Variants in TSPAN18 observed in about 807,000 individuals in gnomAD.
The protein encoded by TSPAN18 is tetraspanin 18.
A neutral mutation model predicts 27.3 loss-of-function variants in TSPAN18; 14 were observed. That is an observed-to-expected ratio of 0.51 (90% confidence interval 0.34 to 0.80). TSPAN18 has a LOEUF of 0.80. Ranked by LOEUF, TSPAN18 falls within the 30% of genes least tolerant of loss-of-function variation. The pLI is 0.01. For synonymous variants in TSPAN18, 143 were observed against 136.5 expected (o/e 1.05, Z -0.33); for missense variants, 268 against 323.9 (o/e 0.83, Z 1.32).
intron 5 of TSPAN18, among the ~76,000 whole-genome samples, chr11:44,911,887 TG>T (rs1435279228): frequency 2.6e-5 from 4 of 151,882 alleles, no homozygotes; most frequent in Non-Finnish European, 5.9e-5. Flanking sequence ...GCTGCCAGGC[TG>T]GGGGCCCTTC....
intron 2 of TSPAN18, among the ~76,000 whole-genome samples, chr11:44,767,660 T>G (rs1192736907): frequency 6.6e-6 from 1 of 152,246 alleles, no homozygotes; most frequent in Non-Finnish European, 1.5e-5. Flanking sequence ...AAGCTTTTGG[T>G]ATTCTAAGAA....
At chr11:44,858,313 C>A (rs1857789329) in intron 2 of TSPAN18, among the ~76,000 whole-genome samples, 1 of 152,202 alleles carries the variant, frequency 6.6e-6, no homozygotes, top group Non-Finnish European at 1.5e-5. Flanking sequence ...CCATATCTGC[C>A]CCCTCCTCCG....
At chr11:44,856,255 A>G (rs1857734807) in intron 2 of TSPAN18, among the ~76,000 whole-genome samples, 1 of 152,112 alleles carries the variant, frequency 6.6e-6, no homozygotes, top group South Asian at 2.1e-4. Context: ...TTGCCTGTGG[A>G]TAAATTTCAT....
At position 44,930,630 on chromosome 11, in the gene TSPAN18, A is replaced by T; in HGVS notation, c.*1452A>T. The T allele has an allele frequency of 2.9e-6, 1 of 339,890 alleles. No individual in the cohort carries two copies. Among genetic ancestry groups the T allele is most frequent in the East Asian group, 8.0e-5 (1 of 12,510 alleles). The allele number at this position is 339,890 out of a possible 1,614,324, so 21.1% of individuals were successfully genotyped here. On this transcript the variant is annotated 3_prime_UTR_variant, in exon 10 of 10. Transcript: ENST00000520358. ...GTATTCAGTTCTCAAACTCTAGACG[A>T]GTGTTGGCAACTGGATTGCAAGATG...
intron 3 of TSPAN18, among the ~76,000 whole-genome samples, chr11:44,866,002 G>A (rs1355098819): frequency 6.6e-6 from 1 of 152,234 alleles, no homozygotes; most frequent in East Asian, 1.9e-4. Flanking sequence ...GCCACCTGCT[G>A]GGGGCCCCTC....
At chr11:44,749,860 T>C (rs1855170585) in intron 1 of TSPAN18, among the ~76,000 whole-genome samples, 1 of 152,106 alleles carries the variant, frequency 6.6e-6, no homozygotes, top group Admixed American at 6.5e-5. Flanking sequence ...GTGGCCTCCA[T>C]CTCCTGACCT....
At chr11:44,742,582 C>G (rs558248764) in intron 1 of TSPAN18, among the ~76,000 whole-genome samples, 11 of 152,240 alleles carry the variant, frequency 7.2e-5, no homozygotes, top group African/African-American at 2.6e-4. Flanking sequence ...CTCCCAGGTC[C>G]CTGACTCAGA....
At chr11:44,795,385 A>T (rs1856325638) in intron 2 of TSPAN18, among the ~76,000 whole-genome samples, 1 of 152,118 alleles carries the variant, frequency 6.6e-6, no homozygotes, top group Non-Finnish European at 1.5e-5. Context: ...CCAAGGTCCC[A>T]CTGCCTGCCC....
At position 44,908,773 on chromosome 11, in the gene TSPAN18, A is replaced by AAGG. The variant is rs1859568890; in HGVS notation, c.64-930_64-929insGAG. Among the ~76,000 whole-genome samples the AAGG allele has an allele frequency of 1.6e-4, 16 of 99,484 alleles. 1 individual carries two copies. Among genetic ancestry groups the AAGG allele is most frequent in the African/African-American group, 7.0e-4 (16 of 22,700 alleles). 65.3% of individuals were successfully genotyped at this position (99,484 alleles called of 152,430 possible). On this transcript the variant is annotated intron_variant, in intron 4 of 9. Coordinates refer to ENST00000520358, the MANE Select transcript of TSPAN18 (RefSeq NM_130783.5). ...GAGAGAGAGAGAGAGAGAAAGGAGA[A>AAGG]AGAAAGAAAGAAAGAAAGAAAGAAA...
At position 44,901,819 on chromosome 11, in the gene TSPAN18, G is replaced by A. The variant is rs74428021; in HGVS notation, c.-10-4588G>A. Among the ~76,000 whole-genome samples, 616 of 152,284 alleles carry A rather than the reference G, an allele frequency of 4.0e-3. 3 individuals carry two copies. The highest frequency in any genetic ancestry group is 0.014 in the East Asian group (72 of 5,182). Reference sequence around the variant, plus strand: ...AGCCCAGTCTGTGCATACAAGCTGTGTGATACTGGCCAGGTTACTTGACCC... The same window carrying A: ...AGCCCAGTCTGTGCATACAAGCTGTATGATACTGGCCAGGTTACTTGACCC... On this transcript the variant is annotated intron_variant, in intron 3 of 9. Transcript: ENST00000520358.
intron 2 of TSPAN18, among the ~76,000 whole-genome samples, chr11:44,854,209 G>A (rs527789787): frequency 5.2e-5 from 7 of 133,620 alleles, no homozygotes; most frequent in African/African-American, 1.6e-4. Context: ...GTGGGGGGGG[G>A]GGTTTGTGTG....
At chr11:44,911,286 CCAGCACCAGCAGTGCT>C (rs1859703409) in intron 5 of TSPAN18, among the ~76,000 whole-genome samples, 1 of 152,000 alleles carries the variant, frequency 6.6e-6, no homozygotes, top group African/African-American at 2.4e-5. Context: ...TGTAGATAAG[CCAGCACCAGCAGTGCT>C]GGGAGGAGAG....
At chr11:44,781,212 T>G (rs1855931610) in intron 2 of TSPAN18, among the ~76,000 whole-genome samples, 1 of 152,216 alleles carries the variant, frequency 6.6e-6, no homozygotes, top group Non-Finnish European at 1.5e-5. Context: ...GGGAAAATCT[T>G]GCTGATGTCA....
intron 2 of TSPAN18, among the ~76,000 whole-genome samples, chr11:44,777,023 G>A (rs1227315958): frequency 6.6e-6 from 1 of 152,174 alleles, no homozygotes; most frequent in Non-Finnish European, 1.5e-5. Context: ...CCCTCTCTGG[G>A]TGCTTCCCCA....
chr11:44,899,810 C>T (rs1308502201), intron 3 of TSPAN18, among the ~76,000 whole-genome samples: 5 of 152,216 alleles, frequency 3.3e-5, no homozygotes, highest in Non-Finnish European at 7.3e-5. Flanking sequence ...CCTGACCCTA[C>T]AGGCCCCACC....
chr11:44,845,888 G>A (rs1484266581), intron 2 of TSPAN18, among the ~76,000 whole-genome samples: 9 of 152,182 alleles, frequency 5.9e-5, no homozygotes, highest in African/African-American at 2.2e-4. Flanking sequence ...CAGACCTACG[G>A]CATTTCCCAA....
intron 3 of TSPAN18, among the ~76,000 whole-genome samples, chr11:44,869,730 G>A (rs1858140550): frequency 6.6e-6 from 1 of 152,174 alleles, no homozygotes; most frequent in Non-Finnish European, 1.5e-5. Flanking sequence ...TGTCACACGG[G>A]CCCAGTGTTC....
intron 9 of TSPAN18, among the ~76,000 whole-genome samples, chr11:44,927,122 G>A (rs1363171195): frequency 3.3e-5 from 5 of 152,232 alleles, no homozygotes; most frequent in East Asian, 1.9e-4. Context: ...GCTGCAGCCC[G>A]TGGTTTGAGA....
intron 3 of TSPAN18, among the ~76,000 whole-genome samples, chr11:44,861,924 C>G (rs1196384479): frequency 6.6e-6 from 1 of 152,050 alleles, no homozygotes; most frequent in Non-Finnish European, 1.5e-5. Context: ...AGTCCCTGCA[C>G]TCTCTGATGG....
Sources: gnomAD v4.1 joint callset for allele counts (sites outside exome capture counted in the v4.1 genomes callset) on GRCh38, gnomAD v4.1.1 for gene constraint, MANE v1.5 for transcripts, NCBI Gene and HGNC (gene_info 2026-07-23, HGNC 2026-07-21) for gene names.